Variants in INKA2 observed in about 807,000 individuals in gnomAD.
The protein encoded by INKA2 is PAK4-inhibitor INKA2.
INKA2 carries 3 observed loss-of-function variants against 9.8 expected under a neutral mutation model. The ratio of observed to expected loss-of-function variants is 0.31; its 90% CI spans 0.14 to 0.79. The LOEUF is 0.79. Ranked by LOEUF, INKA2 falls within the 30% of genes least tolerant of loss-of-function variation. INKA2 has a pLI of 0.62. For synonymous variants in INKA2, 147 were observed against 143.3 expected (o/e 1.03, Z -0.18); for missense variants, 392 against 384.4 (o/e 1.02, Z -0.17).
rs556800335 is a variant in INKA2 at position 111,744,826 on chromosome 1, C to T, written n.124+10875G>A. Among the ~76,000 whole-genome samples the T allele has an allele frequency of 8.7e-4, 133 of 152,172 alleles. No individual in the cohort carries two copies. In the Middle Eastern group the frequency reaches 0.01, roughly 12 times the overall value. On this transcript the variant is annotated intron_variant and non_coding_transcript_variant, in intron 1 of 1. Coordinates refer to the INKA2 transcript ENST00000444059. The stretch of plus-strand genomic sequence containing the variant: ...CAAACTCCTGACCTCGTGATCTGCC[C>T]GCCTCGTGCTTTTACCCATAGTGCT...
At chr1:111,753,545 A>G (rs2101405302) in intron 1 of INKA2, among the ~76,000 whole-genome samples, 1 of 152,362 alleles carries the variant, frequency 6.6e-6, no homozygotes, top group Middle Eastern at 3.4e-3. Context: ...CAGTAACAGA[A>G]TGCCTATAAA....
chr1:111,735,880 C>T (rs992419070), intron 1 of INKA2, among the ~76,000 whole-genome samples: 1 of 152,216 alleles, frequency 6.6e-6, no homozygotes, highest in Non-Finnish European at 1.5e-5. Context: ...TGGCTTCCTG[C>T]AACCTCTCCC....
rs1172667283 is a variant in INKA2 at position 111,726,458 on chromosome 1, C to T, written c.*510G>A. On this transcript the variant is annotated 3_prime_UTR_variant, in exon 2 of 2. Transcript: ENST00000357260. The stretch of plus-strand genomic sequence containing the variant: ...CTCCAGTCCCAGGAGGCCTGGGGTT[C>T]AGTCCCTGTGCCTGGAGCAATGTCT... The T allele has an allele frequency of 2.4e-5, 5 of 207,778 alleles. No homozygotes were observed. The highest frequency in any genetic ancestry group is 3.3e-4 in the South Asian group (2 of 6,030). 12.9% of individuals were successfully genotyped at this position (207,778 alleles called of 1,614,324 possible).
chr1:111,723,113 G>T lies in INKA2; in HGVS notation c.*3855C>A, dbSNP rs189992724. The T allele has an allele frequency of 1.4e-6, 1 of 700,330 alleles. No individual in the cohort carries two copies. The highest frequency in any genetic ancestry group is 2.7e-5 in the East Asian group (1 of 37,022). The allele number at this position is 700,330 out of a possible 1,614,324, so 43.4% of individuals were successfully genotyped here. A position where few individuals can be genotyped will look rare whatever the true frequency, so the allele number is the denominator to read the frequency against. ...CTGGCAGAAGTGCCTTAACTGCACC[G>T]GATGGGGAAGGCACCTGAGGTGGGT... On this transcript the variant is annotated 3_prime_UTR_variant, in exon 2 of 2. Transcript: ENST00000357260.
upstream of INKA2, among the ~76,000 whole-genome samples, chr1:111,739,584 G>A (rs2101378224): frequency 6.6e-6 from 1 of 152,362 alleles, no homozygotes; most frequent in East Asian, 1.9e-4. Context: ...GGGCTGGCGA[G>A]GACACACCTG....
intron 1 of INKA2, 63 bp from the exon 2 acceptor site, chr1:111,727,867 C>T: frequency 6.5e-7 from 1 of 1,531,894 alleles, no homozygotes; most frequent in Non-Finnish European, 8.9e-7. Flanking sequence ...CCTCTCCCAG[C>T]CCTGAACTTA....
At position 111,723,422 on chromosome 1, in the gene INKA2, C is replaced by T. The variant is rs898212705; in HGVS notation, c.*3546G>A. On this transcript the variant is annotated 3_prime_UTR_variant, in exon 2 of 2. Transcript: ENST00000357260. ...GAGAAAGGGAGGAGGGAGACCAGGCCGGCCCCACTAGCATGCCCAGCAGGG... is the reference window on the plus strand; with the variant it reads ...GAGAAAGGGAGGAGGGAGACCAGGCTGGCCCCACTAGCATGCCCAGCAGGG... 13 of 273,124 alleles carry T rather than the reference C, an allele frequency of 4.8e-5. No homozygotes were observed. The highest frequency in any genetic ancestry group is 7.8e-4 in the Middle Eastern group (1 of 1,288). The allele number at this position is 273,124 out of a possible 1,614,324, so 16.9% of individuals were successfully genotyped here. A position where few individuals can be genotyped will look rare whatever the true frequency, so the allele number is the denominator to read the frequency against.
At chr1:111,751,218 T>A (rs894840407) in intron 1 of INKA2, among the ~76,000 whole-genome samples, 3 of 152,266 alleles carry the variant, frequency 2.0e-5, no homozygotes, top group Non-Finnish European at 4.4e-5. Context: ...CTTCCATACA[T>A]ACTTGAAGCA....
chr1:111,734,798 C>T (rs985950686), intron 1 of INKA2, among the ~76,000 whole-genome samples: 7 of 152,218 alleles, frequency 4.6e-5, no homozygotes, highest in Non-Finnish European at 1.0e-4. Context: ...CAAATGCTAC[C>T]TCTTCCATGA....
upstream of INKA2, among the ~76,000 whole-genome samples, chr1:111,741,998 G>A (rs1396962912): frequency 6.6e-6 from 1 of 152,132 alleles, no homozygotes; most frequent in African/African-American, 2.4e-5. Flanking sequence ...TTACAGGCAT[G>A]AGCCACCGTG....
chr1:111,739,559 C>T (rs897725157), upstream of INKA2: 4 of 610,452 alleles, frequency 6.6e-6, no homozygotes, highest in Admixed American at 8.1e-5. Flanking sequence ...GCACAGGACC[C>T]GGGCGCAGCC....
intron 1 of INKA2, among the ~76,000 whole-genome samples, chr1:111,734,797 C>T (rs1411780094): frequency 1.3e-5 from 2 of 152,230 alleles, no homozygotes; most frequent in African/African-American, 4.8e-5. Context: ...TCAAATGCTA[C>T]CTCTTCCATG....
chr1:111,739,170 C>T lies in INKA2; in HGVS notation c.57+16G>A. 2 of 1,612,620 alleles carry T rather than the reference C, an allele frequency of 1.2e-6. No individual in the cohort carries two copies. Among genetic ancestry groups the T allele is most frequent in the African/African-American group, 1.3e-5 (1 of 74,998 alleles). On this transcript the variant is annotated intron_variant, in intron 1 of 1. Transcript: ENST00000357260. ...CGGAGCAGCCCTCCCTGCCCCGGCGCCAGCTTCGCTCTTACCAGCTCCTGT... is the reference window on the plus strand; with the variant it reads ...CGGAGCAGCCCTCCCTGCCCCGGCGTCAGCTTCGCTCTTACCAGCTCCTGT...
chr1:111,737,092 G>A (rs1038728158), intron 1 of INKA2, among the ~76,000 whole-genome samples: 2 of 152,142 alleles, frequency 1.3e-5, no homozygotes, highest in African/African-American at 4.8e-5. Flanking sequence ...CCATCTGAGT[G>A]TCATTCTGGG....
chr1:111,727,067 G>T lies in INKA2; in HGVS notation c.795C>A (p.Thr265=). Residue 265 remains threonine (T), a synonymous_variant, in exon 2 of 2, where the codon ACC becomes ACA. Coordinates refer to ENST00000357260, the MANE Select transcript of INKA2 (RefSeq NM_019099.5). ...GATTCTCCCCTCGCCTGTGCTCCCC[G>T]GTGCCTGGGAAGGGGAAATGTCCAG... The part of the protein sequence containing the change: ...KGSGHFPFPG[T]GEHRRGENPP... The T allele has an allele frequency of 6.2e-7, 1 of 1,614,026 alleles. No individual in the cohort carries two copies.
chr1:111,747,829 A>AGTGTGTGTGT (rs139313387), intron 1 of INKA2: 2 of 150,506 alleles, frequency 1.3e-5, no homozygotes, highest in African/African-American at 2.4e-5. Flanking sequence ...TATGTGTGTG[A>AGTGTGTGTGT]GTGTGTGTGT....
chr1:111,752,947 C>T (rs1317749978), intron 1 of INKA2, among the ~76,000 whole-genome samples: 1 of 152,180 alleles, frequency 6.6e-6, no homozygotes, highest in Non-Finnish European at 1.5e-5. Context: ...ATCCGCCCAC[C>T]TCGGCCTCCC....
chr1:111,745,231 TACACACACACAC>T (rs67643173), intron 1 of INKA2: 2 of 112,724 alleles, frequency 1.8e-5, no homozygotes, highest in African/African-American at 7.3e-5. Flanking sequence ...CAAGCAAATA[TACACACACACAC>T]ACACACACAC....
rs1202398099 is a variant in INKA2, at chr1:111,723,247, AG to A, written c.*3720del. The A allele has an allele frequency of 1.3e-5, 8 of 596,464 alleles. No homozygotes were observed. Among genetic ancestry groups the A allele is most frequent in the South Asian group, 1.2e-4 (6 of 50,918 alleles). 36.9% of individuals were successfully genotyped at this position (596,464 alleles called of 1,614,324 possible). A position where few individuals can be genotyped will look rare whatever the true frequency, so the allele number is the denominator to read the frequency against. On this transcript the variant is annotated 3_prime_UTR_variant, in exon 2 of 2. Coordinates refer to ENST00000357260, the MANE Select transcript of INKA2 (RefSeq NM_019099.5). Reference sequence around the variant, plus strand: ...AAGATGGAGGAGCCTCTCCCCAACAAGGCCCTAGGGAGGAGATGGGGATGTG... The same window carrying A: ...AAGATGGAGGAGCCTCTCCCCAACAAGCCCTAGGGAGGAGATGGGGATGTG...
Sources: allele counts gnomAD v4.1 joint callset (sites outside exome capture counted in the v4.1 genomes callset), GRCh38; gene constraint gnomAD v4.1.1; transcripts MANE v1.5; gene names NCBI Gene and HGNC (gene_info 2026-07-23, HGNC 2026-07-21).